Variants in STRBP observed in about 807,000 individuals in gnomAD.
STRBP encodes the protein spermatid perinuclear RNA binding protein.
STRBP carries 13 observed loss-of-function variants against 80.1 expected under a neutral mutation model. The ratio of observed to expected loss-of-function variants is 0.16; its 90% confidence interval spans 0.11 to 0.26. The LOEUF (loss-of-function observed/expected upper bound fraction) is 0.26, where lower values mean the gene tolerates loss of function less well. Ranked by LOEUF, STRBP falls within the 10% of genes least tolerant of loss-of-function variation. The pLI, the probability that STRBP is intolerant of heterozygous loss-of-function variation, is 1.00. For synonymous variants in STRBP, 284 were observed against 291.2 expected, an observed-to-expected ratio of 0.98 and a Z score of 0.25; for missense variants, 485 against 815.2, an observed-to-expected ratio of 0.59 and a Z score of 4.93.
intron 2 of STRBP, among the ~76,000 whole-genome samples, chr9:123,232,553 G>A (rs150289726): frequency 6.3e-4 from 96 of 152,268 alleles, no homozygotes; most frequent in African/African-American, 2.1e-3. Flanking sequence ...CAGCCCTCAG[G>A]CAAGCTGAAC....
chr9:123,151,604 G>A (rs1034471125), intron 11 of STRBP, among the ~76,000 whole-genome samples: 8 of 151,976 alleles, frequency 5.3e-5, no homozygotes, highest in Non-Finnish European at 1.2e-4. Flanking sequence ...AAAAAATTAG[G>A]AATAAAAGAA....
chr9:123,225,539 G>A (rs1406571392), intron 2 of STRBP, among the ~76,000 whole-genome samples: 3 of 152,160 alleles, frequency 2.0e-5, no homozygotes, highest in Non-Finnish European at 4.4e-5. Context: ...CCTCCAGATG[G>A]TGATTCAAAA....
chr9:123,174,355 T>G (rs1443988794), intron 4 of STRBP, among the ~76,000 whole-genome samples: 1 of 152,202 alleles, frequency 6.6e-6, no homozygotes, highest in Non-Finnish European at 1.5e-5. Context: ...AGAGGATTGT[T>G]TGAGCCCAGG....
intron 11 of STRBP, among the ~76,000 whole-genome samples, chr9:123,151,366 C>T (rs1415817018): frequency 3.3e-5 from 5 of 151,974 alleles, no homozygotes; most frequent in African/African-American, 1.2e-4. Flanking sequence ...TGACCTAACA[C>T]GAAAAAAATA....
chr9:123,242,379 C>T (rs1454452950), intron 1 of STRBP, among the ~76,000 whole-genome samples: 2 of 152,120 alleles, frequency 1.3e-5, no homozygotes, highest in African/African-American at 2.4e-5. Flanking sequence ...AAATGAATAG[C>T]CAGGCACGGT....
chr9:123,236,448 G>A (rs775397124), intron 2 of STRBP, among the ~76,000 whole-genome samples: 2 of 152,028 alleles, frequency 1.3e-5, no homozygotes, highest in African/African-American at 2.4e-5. Flanking sequence ...AAAACATGGC[G>A]TCATTTGTGA....
intron 6 of STRBP, 54 bp from the exon 7 acceptor site, chr9:123,161,122 T>C (rs2037506728): frequency 8.3e-7 from 1 of 1,201,758 alleles, no homozygotes; most frequent in Non-Finnish European, 1.2e-6. Context: ...AAGCGATTCC[T>C]ATCAAATTAT....
chr9:123,113,573 G>A (rs753534119), intron 3 of STRBP: 1 of 167,246 alleles, frequency 6.0e-6, no homozygotes, highest in African/African-American at 2.4e-5. Flanking sequence ...TGTCCCACGT[G>A]TCACTCAAAA....
chr9:123,205,583 C>T (rs1359794457), intron 2 of STRBP, among the ~76,000 whole-genome samples: 1 of 152,136 alleles, frequency 6.6e-6, no homozygotes, highest in Admixed American at 6.5e-5. Context: ...TAATATTCAG[C>T]TTAGCAAAAT....
chr9:123,254,063 A>G (rs944746694), intron 1 of STRBP, among the ~76,000 whole-genome samples: 7 of 151,814 alleles, frequency 4.6e-5, no homozygotes, highest in Non-Finnish European at 8.8e-5. Flanking sequence ...GGGGGAAAAA[A>G]TCTTAATTAT....
At chr9:123,256,014 CTTTCTT>C (rs2041020545) in intron 1 of STRBP, among the ~76,000 whole-genome samples, 15 of 100,556 alleles carry the variant, frequency 1.5e-4, no homozygotes, top group African/African-American at 6.0e-4. Context: ...GACATCCTTT[CTTTCTT>C]TTTTTTTTTT....
At chr9:123,210,002 A>G (rs1432117227) in intron 2 of STRBP, among the ~76,000 whole-genome samples, 1 of 152,216 alleles carries the variant, frequency 6.6e-6, no homozygotes, top group Non-Finnish European at 1.5e-5. Context: ...TGTATTCAAA[A>G]AACAAATGTG....
intron 1 of STRBP, among the ~76,000 whole-genome samples, chr9:123,251,703 TTGTA>T (rs764589155): frequency 3.3e-5 from 5 of 152,238 alleles, no homozygotes; most frequent in Non-Finnish European, 7.3e-5. Flanking sequence ...TAAAAGTCCT[TTGTA>T]TGTCTTTCTA....
intron 1 of STRBP, among the ~76,000 whole-genome samples, chr9:123,259,900 C>T (rs1447748858): frequency 6.6e-6 from 1 of 152,194 alleles, no homozygotes; most frequent in African/African-American, 2.4e-5. Flanking sequence ...TTGTGCCAAA[C>T]ACAGCTAATA....
At chr9:123,241,949 C>T (rs2040703585) in intron 1 of STRBP, among the ~76,000 whole-genome samples, 1 of 152,192 alleles carries the variant, frequency 6.6e-6, no homozygotes, top group African/African-American at 2.4e-5. Flanking sequence ...TTGTACTACT[C>T]TCCCTCTTGT....
chr9:123,200,762 T>TTTTTTTTTTTTTTA (rs1554762956), intron 2 of STRBP, among the ~76,000 whole-genome samples: 13 of 133,554 alleles, frequency 9.7e-5, no homozygotes, highest in African/African-American at 3.5e-4. Flanking sequence ...TTTTTTTTTT[T>TTTTTTTTTTTTTTA]AGTAGAGACC....
At chr9:123,158,990 C>T (rs1326560056) in intron 9 of STRBP, 106 bp downstream of exon 9, 1 of 826,272 alleles carries the variant, frequency 1.2e-6, no homozygotes, top group Non-Finnish European at 2.0e-6. Context: ...AAAAGAACTC[C>T]TATGCATCAT....
chr9:123,249,182 G>A (rs144935628), intron 1 of STRBP, among the ~76,000 whole-genome samples: 250 of 152,242 alleles, frequency 1.6e-3, no homozygotes, highest in African/African-American at 3.3e-3. Context: ...GTTGGAAACC[G>A]CAGGTCACAA....
chr9:123,158,368 G>A lies in STRBP; in HGVS notation c.897C>T (p.Thr299=), dbSNP rs139937366. The part of the protein sequence containing the change: ...RDPTDALSYM[T]IQQKEDITHS... ...GGGTAATATCTTCTTTTTGCTGGATGGTCATATAGCTCAGAGCATCTGTTG... is the reference window on the plus strand; with the variant it reads ...GGGTAATATCTTCTTTTTGCTGGATAGTCATATAGCTCAGAGCATCTGTTG... The change falls in exon 10 of 19, where the codon ACC becomes ACT. Residue 299 remains threonine (T), a synonymous_variant. Coordinates refer to ENST00000348403, the MANE Select transcript of STRBP (RefSeq NM_018387.5). 5.5e-4 allele frequency: 884 copies of A among 1,613,442 alleles called. 3 individuals carry two copies. The highest frequency in any genetic ancestry group is 8.2e-4 in the Middle Eastern group (5 of 6,082).
Sources: gnomAD v4.1 joint callset for allele counts (sites outside exome capture counted in the v4.1 genomes callset) on GRCh38, gnomAD v4.1.1 for gene constraint, MANE v1.5 for transcripts, NCBI Gene and HGNC (gene_info 2026-07-23, HGNC 2026-07-21) for gene names.